Variants in GLIS3 observed in about 807,000 individuals in gnomAD.
The protein encoded by GLIS3 is GLIS family zinc finger 3.
A neutral mutation model predicts 78.6 loss-of-function variants in GLIS3; 53 were observed. That is an observed-to-expected ratio of 0.67 (90% CI 0.54 to 0.85). The LOEUF (loss-of-function observed/expected upper bound fraction) is 0.85. Ranked by LOEUF, GLIS3 falls within the 40% of genes least tolerant of loss-of-function variation. The probability of loss-of-function intolerance (pLI) is 0.00; values close to 1 mark genes in which losing one functional copy is unlikely to be tolerated. For synonymous variants in GLIS3, 684 were observed against 509.9 expected, an observed-to-expected ratio of 1.34 and a Z score of -4.60; for missense variants, 1,703 against 1,231.1, an observed-to-expected ratio of 1.38 and a Z score of -5.74.
chr9:4,469,578 T>C, the GLIS3 span, among the ~76,000 whole-genome samples: 124 of 152,306 alleles, frequency 8.1e-4, 1 homozygote, highest in East Asian at 0.017. Flanking sequence ...AAGATGTTCT[T>C]TGAAACCAAA....
At chr9:4,144,466 C>T (rs1368425648) in intron 2 of GLIS3, among the ~76,000 whole-genome samples, 2 of 152,100 alleles carry the variant, frequency 1.3e-5, no homozygotes, top group African/African-American at 2.4e-5. Flanking sequence ...TTTGTTTAGT[C>T]GGTCAAATGA....
intron 4 of GLIS3, among the ~76,000 whole-genome samples, chr9:3,948,405 C>A (rs564058782): frequency 1.8e-4 from 27 of 152,328 alleles, no homozygotes; most frequent in Non-Finnish European, 2.4e-4. Flanking sequence ...TCCATTAACT[C>A]TTTCCATCGA....
chr9:4,405,422 T>C, the GLIS3 span, among the ~76,000 whole-genome samples: 8 of 151,066 alleles, frequency 5.3e-5, no homozygotes, highest in Non-Finnish European at 1.0e-4. Context: ...GAAATTCAAA[T>C]GATCATTAGT....
chr9:4,090,929 C>A (rs1277149925), intron 4 of GLIS3, among the ~76,000 whole-genome samples: 3 of 152,132 alleles, frequency 2.0e-5, no homozygotes, highest in South Asian at 2.1e-4. Flanking sequence ...GACTGCAAAC[C>A]CTGGCTCAGC....
intron 2 of GLIS3, among the ~76,000 whole-genome samples, chr9:4,210,091 C>G (rs572123456): frequency 6.6e-6 from 1 of 152,210 alleles, no homozygotes; most frequent in Non-Finnish European, 1.5e-5. Flanking sequence ...AGTGGGCACC[C>G]CATTGAGTAT....
the GLIS3 span, among the ~76,000 whole-genome samples, chr9:4,466,755 A>T: frequency 6.6e-6 from 1 of 152,116 alleles, no homozygotes; most frequent in African/African-American, 2.4e-5. Context: ...TTTCCAACTG[A>T]GGTACAGGGT....
intron 2 of GLIS3, among the ~76,000 whole-genome samples, chr9:4,204,051 TA>T (rs1819633420): frequency 6.6e-6 from 1 of 152,184 alleles, no homozygotes; most frequent in South Asian, 2.1e-4. Context: ...TCACACAATA[TA>T]CCCAGGTAAC....
chr9:4,184,906 G>T (rs888919458), intron 2 of GLIS3, among the ~76,000 whole-genome samples: 1 of 152,116 alleles, frequency 6.6e-6, no homozygotes, highest in South Asian at 2.1e-4. Context: ...TTACATTACA[G>T]CCACAGTTGC....
At chr9:3,920,468 G>C (rs1027793075) in intron 6 of GLIS3, among the ~76,000 whole-genome samples, 4 of 152,060 alleles carry the variant, frequency 2.6e-5, no homozygotes, top group African/African-American at 7.2e-5. Context: ...GGATAGAGAC[G>C]GGAGATGGGG....
At chr9:4,401,355 G>T in the GLIS3 span, among the ~76,000 whole-genome samples, 1 of 151,932 alleles carries the variant, frequency 6.6e-6, no homozygotes, top group East Asian at 1.9e-4. Context: ...TGTCTCCCAC[G>T]TTCAAGCGAT....
rs541101416 is a variant in GLIS3, at chr9:3,937,014, C to A, written c.1872+14G>T. The A allele has an allele frequency of 6.2e-7, 1 of 1,612,294 alleles. No individual in the cohort carries two copies. The highest frequency in any genetic ancestry group is 2.2e-5 in the East Asian group (1 of 44,876). ...GCGCTGGGTTGGAAACTGGAAAGCT[C>A]CTGCCATTCTTACGGTGTCCAGATG... On this transcript the variant is annotated intron_variant, in intron 5 of 10. Transcript: ENST00000381971.
intron 2 of GLIS3, among the ~76,000 whole-genome samples, chr9:4,282,879 C>T (rs995561101): frequency 6.6e-6 from 1 of 152,180 alleles, no homozygotes; most frequent in South Asian, 2.1e-4. Flanking sequence ...AACTCCTTGG[C>T]ACATCATTCA....
intron 9 of GLIS3, among the ~76,000 whole-genome samples, chr9:3,837,708 C>G (rs890611929): frequency 1.3e-5 from 2 of 152,204 alleles, no homozygotes; most frequent in Non-Finnish European, 2.9e-5. Flanking sequence ...TCCAACTATA[C>G]AACATTCTGG....
At chr9:4,245,668 A>C (rs1179940693) in intron 2 of GLIS3, among the ~76,000 whole-genome samples, 3 of 152,202 alleles carry the variant, frequency 2.0e-5, no homozygotes, top group South Asian at 4.1e-4. Flanking sequence ...AAACTGATAT[A>C]ATTTTCAATG....
chr9:4,249,016 G>T (rs2129827169), intron 2 of GLIS3, among the ~76,000 whole-genome samples: 1 of 152,244 alleles, frequency 6.6e-6, no homozygotes, highest in African/African-American at 2.4e-5. Flanking sequence ...GTACCATGCT[G>T]TTTTGGTTAC....
chr9:4,295,929 G>GT (rs886941537), intron 1 of GLIS3, among the ~76,000 whole-genome samples: 46 of 149,726 alleles, frequency 3.1e-4, no homozygotes, highest in East Asian at 3.9e-4. Context: ...ATGGCAACAA[G>GT]TTTTTTTTTT....
At chr9:3,900,005 G>A (rs113345027) in intron 6 of GLIS3, among the ~76,000 whole-genome samples, 192 of 152,226 alleles carry the variant, frequency 1.3e-3, no homozygotes, top group African/African-American at 4.4e-3. Context: ...TGAGGAATAA[G>A]CCGTACAGAC....
intron 2 of GLIS3, among the ~76,000 whole-genome samples, chr9:4,173,160 G>T (rs1236691967): frequency 1.3e-5 from 2 of 152,152 alleles, no homozygotes; most frequent in Non-Finnish European, 2.9e-5. Flanking sequence ...GGCAAAGGGT[G>T]AGAGGTGGTG....
intron 2 of GLIS3, among the ~76,000 whole-genome samples, chr9:4,151,804 G>C (rs540983805): frequency 6.6e-6 from 1 of 152,174 alleles, no homozygotes; most frequent in East Asian, 1.9e-4. Context: ...ATAATCATCT[G>C]TTCCTAGTTA....
Sources: gnomAD v4.1 joint callset for allele counts (sites outside exome capture counted in the v4.1 genomes callset) on GRCh38, gnomAD v4.1.1 for gene constraint, MANE v1.5 for transcripts, NCBI Gene and HGNC (gene_info 2026-07-23, HGNC 2026-07-21) for gene names.